Variants in MAML2 observed in about 807,000 individuals in gnomAD.
MAML2 encodes mastermind like transcriptional coactivator 2.
In MAML2, 22 loss-of-function variants were observed where a neutral mutation model predicts 96.1. That is an observed-to-expected ratio of 0.23 (90% CI 0.16 to 0.33). The LOEUF is 0.33. Ranked by LOEUF, MAML2 falls within the 10% of genes least tolerant of loss-of-function variation. The pLI, the probability that MAML2 is intolerant of heterozygous loss-of-function variation, is 1.00. For missense variants in MAML2, 1,367 were observed against 1,392.4 expected, an observed-to-expected ratio of 0.98 and a Z score of 0.29; for synonymous variants, 561 against 521.3, an observed-to-expected ratio of 1.08 and a Z score of -1.04.
chr11:95,984,606 GAA>G (rs1257433354), intron 4 of MAML2, among the ~76,000 whole-genome samples: 1 of 152,144 alleles, frequency 6.6e-6, no homozygotes, highest in Non-Finnish European at 1.5e-5. Context: ...AATTTTAGTT[GAA>G]AGAGGCAACC....
rs533158675 is a variant in MAML2, at chr11:96,102,754, T to C, written c.514-9237A>G. ...TCCTGACTAGTTACTGCAATTGTTA[T>C]AAAGCAAGGATCTGAGGGGACATTC... On this transcript the variant is annotated intron_variant, in intron 1 of 4. Coordinates refer to ENST00000524717, the MANE Select transcript of MAML2 (RefSeq NM_032427.4). Among the ~76,000 whole-genome samples, 11 of 152,324 alleles carry C rather than the reference T, an allele frequency of 7.2e-5. No homozygotes were observed. In the East Asian group the frequency reaches 1.4e-3, roughly 19 times the overall value.
At chr11:95,995,567 T>C (rs192180106) in intron 2 of MAML2, among the ~76,000 whole-genome samples, 11 of 152,302 alleles carry the variant, frequency 7.2e-5, no homozygotes, top group Middle Eastern at 3.4e-3. Flanking sequence ...AGTAGAGATG[T>C]TTGATACACT....
intron 1 of MAML2, among the ~76,000 whole-genome samples, chr11:96,180,086 T>C (rs1861458859): frequency 6.6e-6 from 1 of 152,128 alleles, no homozygotes; most frequent in African/African-American, 2.4e-5. Context: ...TCTGGAGTAA[T>C]ACTGAAGAAT....
chr11:96,097,683 C>T (rs1048118768), intron 1 of MAML2, among the ~76,000 whole-genome samples: 6 of 152,060 alleles, frequency 3.9e-5, no homozygotes, highest in African/African-American at 1.2e-4. Context: ...TTTGCCAACA[C>T]GGTCATAAAA....
intron 2 of MAML2, among the ~76,000 whole-genome samples, chr11:95,995,916 T>C (rs1857983211): frequency 6.6e-6 from 1 of 152,174 alleles, no homozygotes; most frequent in South Asian, 2.1e-4. Flanking sequence ...CCCAAAGTTA[T>C]GACAACAAAA....
intron 1 of MAML2, among the ~76,000 whole-genome samples, chr11:96,246,941 A>G (rs1180243032): frequency 1.3e-5 from 2 of 152,162 alleles, no homozygotes; most frequent in Non-Finnish European, 2.9e-5. Context: ...GACATAATTC[A>G]TACTCCAGTT....
chr11:96,083,784 G>A (rs1464842278), intron 2 of MAML2, among the ~76,000 whole-genome samples: 1 of 152,200 alleles, frequency 6.6e-6, no homozygotes, highest in Non-Finnish European at 1.5e-5. Flanking sequence ...GAATAAGACA[G>A]ATGCCACCCC....
In MAML2 at chr11:96,250,781, T is replaced by C. The variant is rs78104445; in HGVS notation, c.513+90602A>G. Among the ~76,000 whole-genome samples the C allele has an allele frequency of 8.3e-3, 1,262 of 152,316 alleles. 12 individuals carry two copies. The highest frequency in any genetic ancestry group is 0.029 in the African/African-American group (1,198 of 41,564). ...GACTAAATAGGGAGGCTTTTTGGAC[T>C]GGCAAAACAATTAAATACGACTTGA... On this transcript the variant is annotated intron_variant, in intron 1 of 4. Transcript: ENST00000524717.
intron 1 of MAML2, among the ~76,000 whole-genome samples, chr11:96,115,734 C>T (rs1486189567): frequency 2.0e-5 from 3 of 152,038 alleles, no homozygotes; most frequent in Non-Finnish European, 4.4e-5. Flanking sequence ...AAACATAAAG[C>T]ACAGTAAGGG....
chr11:96,251,020 A>T (rs1178050895), intron 1 of MAML2, among the ~76,000 whole-genome samples: 1 of 152,164 alleles, frequency 6.6e-6, no homozygotes, highest in African/African-American at 2.4e-5. Flanking sequence ...GAGAAGAGGG[A>T]GCAATAAAAC....
At chr11:96,160,321 C>T (rs1309635823) in intron 1 of MAML2, among the ~76,000 whole-genome samples, 1 of 152,154 alleles carries the variant, frequency 6.6e-6, no homozygotes, top group African/African-American at 2.4e-5. Flanking sequence ...CGAACCTGGC[C>T]GACAGAATGG....
At chr11:96,240,459 A>G (rs963996041) in intron 1 of MAML2, among the ~76,000 whole-genome samples, 31 of 145,862 alleles carry the variant, frequency 2.1e-4, no homozygotes, top group Admixed American at 9.1e-4. Flanking sequence ...CTGAGGCAGG[A>G]GAATGGCGTG....
intron 2 of MAML2, among the ~76,000 whole-genome samples, chr11:96,073,312 T>A (rs1323805237): frequency 3.8e-5 from 3 of 79,578 alleles, no homozygotes; most frequent in Non-Finnish European, 6.9e-5. Context: ...GATTCATTTC[T>A]TTTCTTTTCT....
chr11:96,008,320 A>C lies in MAML2; in HGVS notation c.2140-16597T>G, dbSNP rs535132765. ...CCAGTGATTTTTCAATTTGGTAAACATTTGTGGCTTATGTTCCTCACTGCT... is the reference window on the plus strand; with the variant it reads ...CCAGTGATTTTTCAATTTGGTAAACCTTTGTGGCTTATGTTCCTCACTGCT... On this transcript the variant is annotated intron_variant, in intron 2 of 4. Coordinates refer to ENST00000524717, the MANE Select transcript of MAML2 (RefSeq NM_032427.4). 2.9e-4 allele frequency among the ~76,000 whole-genome samples: 44 copies of C among 152,286 alleles called. No individual in the cohort carries two copies. In the South Asian group the frequency reaches 3.5e-3, roughly 12 times the overall value.
intron 2 of MAML2, among the ~76,000 whole-genome samples, chr11:96,047,118 G>T (rs1235999538): frequency 1.3e-5 from 2 of 152,032 alleles, no homozygotes; most frequent in African/African-American, 4.8e-5. Flanking sequence ...GTTGTTCCTG[G>T]CCACTCAGTT....
At chr11:96,337,177 G>A (rs1032024432) in intron 1 of MAML2, among the ~76,000 whole-genome samples, 2 of 151,974 alleles carry the variant, frequency 1.3e-5, no homozygotes, top group African/African-American at 4.8e-5. Context: ...AAAACAGAAC[G>A]AAAATAGGTC....
chr11:96,203,113 G>C (rs573207117), intron 1 of MAML2, among the ~76,000 whole-genome samples: 48 of 152,158 alleles, frequency 3.2e-4, no homozygotes, highest in African/African-American at 1.1e-3. Flanking sequence ...ATATAACCAA[G>C]CCTCCATATA....
intron 1 of MAML2, among the ~76,000 whole-genome samples, chr11:96,307,488 T>C (rs919664392): frequency 2.0e-5 from 3 of 152,184 alleles, no homozygotes; most frequent in Admixed American, 6.5e-5. Flanking sequence ...ACAATCTTCA[T>C]ACAAAACTCC....
At chr11:96,113,404 T>C (rs1434415465) in intron 1 of MAML2, among the ~76,000 whole-genome samples, 1 of 152,086 alleles carries the variant, frequency 6.6e-6, no homozygotes, top group Non-Finnish European at 1.5e-5. Context: ...TCATTTTACA[T>C]TGAGAATCTC....
Sources: allele counts gnomAD v4.1 joint callset (sites outside exome capture counted in the v4.1 genomes callset), GRCh38; gene constraint gnomAD v4.1.1; transcripts MANE v1.5; gene names NCBI Gene and HGNC (gene_info 2026-07-23, HGNC 2026-07-21).